CRTAC1: variants seen among roughly 807,000 people sequenced by gnomAD.
The protein encoded by CRTAC1 is cartilage acidic protein 1, also known as acidic secreted protein in cartilage.
CRTAC1 carries 37 observed loss-of-function variants against 67.8 expected under a neutral mutation model. The observed-to-expected ratio is 0.55, with a 90% CI of 0.42 to 0.72. The LOEUF (loss-of-function observed/expected upper bound fraction) is 0.72. Ranked by LOEUF, CRTAC1 falls within the 30% of genes least tolerant of loss-of-function variation. The pLI, the probability that CRTAC1 is intolerant of heterozygous loss-of-function variation, is 0.00. For missense variants in CRTAC1, 780 were observed against 931.6 expected (o/e 0.84, Z 2.12); for synonymous variants, 348 against 371.0 (o/e 0.94, Z 0.71).
chr10:97,986,014 G>C (rs540619636), intron 2 of CRTAC1, among the ~76,000 whole-genome samples: 7 of 152,304 alleles, frequency 4.6e-5, no homozygotes, highest in Non-Finnish European at 7.3e-5. Context: ...AGCTGCAACA[G>C]CCTCTAAAAT....
Position 98,030,333 on chromosome 10 carries a change from C to A in CRTAC1, c.24+116G>T, listed in dbSNP as rs569897402. Reference sequence around the variant, plus strand: ...AAGCCGCCGCCTTCGCGATCCCAGTCTTCCCGGGTTCCCGGGCGGCGTCCC... The same window carrying A: ...AAGCCGCCGCCTTCGCGATCCCAGTATTCCCGGGTTCCCGGGCGGCGTCCC... On this transcript the variant is annotated intron_variant, in intron 1 of 14. Transcript: ENST00000370597. This position sits in a 1 kb window ranked among gnomAD's most constrained non-coding sequence, Gnocchi z 4.2. 1.7e-4 allele frequency: 106 copies of A among 641,696 alleles called. No individual in the cohort carries two copies. The African/African-American group carries it at 1.8e-3, about 11-fold the overall frequency. 39.8% of individuals were successfully genotyped at this position (641,696 alleles called of 1,614,324 possible).
intron 2 of CRTAC1, among the ~76,000 whole-genome samples, chr10:98,003,769 T>C (rs1842735876): frequency 6.6e-6 from 1 of 152,132 alleles, no homozygotes; most frequent in South Asian, 2.1e-4. Flanking sequence ...GGCACACTTG[T>C]TCTGTGTGTA....
intron 5 of CRTAC1, among the ~76,000 whole-genome samples, chr10:97,908,356 GGGAA>G (rs2050644048): frequency 6.6e-6 from 1 of 152,316 alleles, no homozygotes; most frequent in South Asian, 2.1e-4. Flanking sequence ...CTGATGAAGA[GGGAA>G]GGAAGGAGCT....
Position 97,895,876 on chromosome 10 carries a change from T to C in CRTAC1, c.1317+9A>G. 1 of 1,609,828 alleles carries C rather than the reference T, an allele frequency of 6.2e-7. No homozygotes were observed. The highest frequency in any genetic ancestry group is 1.1e-5 in the South Asian group (1 of 90,988). The stretch of plus-strand genomic sequence containing the variant: ...GCTGGGATCTGTGGCTCCTGAGGTC[T>C]TAGCGCACCTGATTGCCCCGGAAGA... On this transcript the variant is annotated intron_variant, in intron 10 of 14. Coordinates refer to ENST00000370597, the MANE Select transcript of CRTAC1 (RefSeq NM_018058.7). The surrounding 1 kb of genome is among the most constrained non-coding windows in gnomAD (Gnocchi z 4.2).
At chr10:97,879,068 C>T (rs1473062979) in intron 14 of CRTAC1, among the ~76,000 whole-genome samples, 1 of 152,206 alleles carries the variant, frequency 6.6e-6, no homozygotes, top group Non-Finnish European at 1.5e-5. Context: ...CTACTTGCCC[C>T]AGACCCTTTT....
chr10:97,996,420 A>T (rs10450399), intron 2 of CRTAC1, among the ~76,000 whole-genome samples: 1 of 151,386 alleles, frequency 6.6e-6, no homozygotes, highest in Admixed American at 6.6e-5. Context: ...AAAAGTGGGC[A>T]AAGGACGTGA....
intron 11 of CRTAC1, among the ~76,000 whole-genome samples, chr10:97,892,733 C>G (rs2050396356): frequency 6.6e-6 from 1 of 152,212 alleles, no homozygotes; most frequent in Admixed American, 6.5e-5. Flanking sequence ...CTTTGCAAGA[C>G]AGGACTATGT....
At position 97,975,308 on chromosome 10, in the gene CRTAC1, T is replaced by A. The variant is rs1295304501; in HGVS notation, c.224+35830A>T. 6.6e-6 allele frequency among the ~76,000 whole-genome samples: 1 copy of A among 151,900 alleles called. No individual in the cohort carries two copies. The highest frequency in any genetic ancestry group is 2.4e-5 in the African/African-American group (1 of 41,368). ...CAGCCCCCTCACGGAGCACGGGTGCTGCGGGAGGCGCCAGGGCCGGTTCCT... is the reference window on the plus strand; with the variant it reads ...CAGCCCCCTCACGGAGCACGGGTGCAGCGGGAGGCGCCAGGGCCGGTTCCT... On this transcript the variant is annotated intron_variant, in intron 2 of 14. Transcript: ENST00000370597. The surrounding 1 kb of genome is among the most constrained non-coding windows in gnomAD (Gnocchi z 4.8).
intron 14 of CRTAC1, chr10:97,878,612 C>T (rs2050173519): frequency 3.1e-6 from 4 of 1,303,380 alleles, no homozygotes; most frequent in Non-Finnish European, 4.0e-6. Flanking sequence ...GGCGTTACAT[C>T]ATTTCCAAAG....
chr10:98,010,109 G>A (rs1199531872), intron 2 of CRTAC1, among the ~76,000 whole-genome samples: 4 of 151,052 alleles, frequency 2.6e-5, no homozygotes, highest in South Asian at 2.1e-4. Flanking sequence ...GTGCCGTCTC[G>A]GCTTACTGCA....
chr10:97,970,643 A>T (rs1405993843), intron 2 of CRTAC1, among the ~76,000 whole-genome samples: 1 of 152,122 alleles, frequency 6.6e-6, no homozygotes, highest in Admixed American at 6.5e-5. Flanking sequence ...CACTCCTGAC[A>T]CTTCTACCTC....
At chr10:97,974,465 G>C (rs1340274224) in intron 2 of CRTAC1, among the ~76,000 whole-genome samples, 1 of 152,256 alleles carries the variant, frequency 6.6e-6, no homozygotes, top group Non-Finnish European at 1.5e-5. Flanking sequence ...ACACCGCGTA[G>C]AGCGTCTGAA....
intron 5 of CRTAC1, among the ~76,000 whole-genome samples, chr10:97,914,084 G>A (rs557939737): frequency 6.6e-6 from 1 of 152,218 alleles, no homozygotes; most frequent in Non-Finnish European, 1.5e-5. Flanking sequence ...GCCTCAAAGG[G>A]TGAGGCCAAA....
At position 98,029,491 on chromosome 10, in the gene CRTAC1, A is replaced by AGCGGCGGCG. The variant is rs71007374; in HGVS notation, c.24+949_24+957dup. Among the ~76,000 whole-genome samples, 8,830 of 140,356 alleles carry AGCGGCGGCG rather than the reference A, an allele frequency of 0.063. 356 individuals are homozygous for AGCGGCGGCG. Among genetic ancestry groups the AGCGGCGGCG allele is most frequent in the African/African-American group, 0.089 (3,150 of 35,322 alleles). The allele number at this position is 140,356 out of a possible 152,430, so 92.1% of individuals were successfully genotyped here. A position where few individuals can be genotyped will look rare whatever the true frequency, so the allele number is the denominator to read the frequency against. ...ACTGGGTGCACCCACCAGCAGCAGC[A>AGCGGCGGCG]GCGGCGGCGGCGGCGGCGGCGGCGG... On this transcript the variant is annotated intron_variant, in intron 1 of 14. Transcript: ENST00000370597. This position sits in a 1 kb window ranked among gnomAD's most constrained non-coding sequence, Gnocchi z 4.7.
chr10:97,872,253 A>G (rs967494882), intron 14 of CRTAC1, among the ~76,000 whole-genome samples: 1 of 152,158 alleles, frequency 6.6e-6, no homozygotes, highest in Non-Finnish European at 1.5e-5. Flanking sequence ...CCCTAGGGCA[A>G]GGTGCCACTG....
chr10:97,909,294 T>A (rs2050656641), intron 5 of CRTAC1, among the ~76,000 whole-genome samples: 2 of 151,980 alleles, frequency 1.3e-5, no homozygotes, highest in African/African-American at 4.8e-5. Context: ...GAGAAAGCCT[T>A]CCCTCAGCCA....
intron 1 of CRTAC1, among the ~76,000 whole-genome samples, chr10:98,019,868 T>C (rs903990505): frequency 4.6e-5 from 7 of 152,320 alleles, no homozygotes; most frequent in African/African-American, 1.7e-4. Context: ...GCCCCACCTG[T>C]CTTGTCCTTT....
chr10:97,892,049 A>C (rs2050382415), intron 11 of CRTAC1, among the ~76,000 whole-genome samples: 1 of 152,232 alleles, frequency 6.6e-6, no homozygotes, highest in African/African-American at 2.4e-5. Flanking sequence ...CTTGCAAAAT[A>C]GCAAGGACTT....
At position 97,939,048 on chromosome 10, in the gene CRTAC1, C is replaced by T. The variant is rs554034276; in HGVS notation, c.225-2682G>A. On this transcript the variant is annotated intron_variant, in intron 2 of 14. Transcript: ENST00000370597. ...ACGATCAGAGCAGGTGCTCCCTGCC[C>T]CAGGCTGTGGCTGAGAAGCCACCAT... 2.0e-5 allele frequency among the ~76,000 whole-genome samples: 3 copies of T among 152,306 alleles called. No homozygotes were observed. In the South Asian group the frequency reaches 6.2e-4, roughly 32 times the overall value.
Sources: gnomAD v4.1 joint callset for allele counts (sites outside exome capture counted in the v4.1 genomes callset) on GRCh38, gnomAD v4.1.1 for gene constraint, Gnocchi (gnomAD v3.1) non-coding constraint, MANE v1.5 for transcripts, NCBI Gene and HGNC (gene_info 2026-07-23, HGNC 2026-07-21) for gene names.